Variants in ST6GALNAC3 observed in about 807,000 individuals in gnomAD.
The protein encoded by ST6GALNAC3 is alpha-N-acetylgalactosaminide alpha-2,6-sialyltransferase 3.
A neutral mutation model predicts 32.7 loss-of-function variants in ST6GALNAC3; 25 were observed. The ratio of observed to expected loss-of-function variants is 0.76; its 90% confidence interval spans 0.56 to 1.07. ST6GALNAC3 has a LOEUF of 1.07. Among genes scored for constraint, ST6GALNAC3 ranks in the 50% least tolerant of loss-of-function variants. ST6GALNAC3 has a pLI of 0.00. For synonymous variants in ST6GALNAC3, 129 were observed against 133.1 expected (o/e 0.97, Z 0.21); for missense variants, 355 against 382.4 (o/e 0.93, Z 0.60).
chr1:76,621,431 C>A (rs1361418137), intron 3 of ST6GALNAC3, among the ~76,000 whole-genome samples: 2 of 152,036 alleles, frequency 1.3e-5, no homozygotes, highest in Non-Finnish European at 2.9e-5. Context: ...CAAGACAAGA[C>A]TGAGAATTCC....
rs570240288 is a variant in ST6GALNAC3 at position 76,519,298 on chromosome 1, A to G, written c.623+106881A>G. Among the ~76,000 whole-genome samples the G allele has an allele frequency of 2.0e-5, 3 of 152,262 alleles. No individual in the cohort carries two copies. The East Asian group carries it at 5.8e-4, about 29-fold the overall frequency. On this transcript the variant is annotated intron_variant, in intron 3 of 4. Coordinates refer to ENST00000328299, the MANE Select transcript of ST6GALNAC3 (RefSeq NM_152996.4). ...ACACATTAAAGATAATTTCAATGTA[A>G]AATTCTAGGTTAAAAATTATGTTTT...
At chr1:76,228,181 T>G (rs1408068087) in intron 1 of ST6GALNAC3, among the ~76,000 whole-genome samples, 8 of 152,194 alleles carry the variant, frequency 5.3e-5, no homozygotes, top group Non-Finnish European at 8.8e-5. Flanking sequence ...CACAGAAGTT[T>G]GCCTACCACT....
rs200790832 is a variant in ST6GALNAC3 at position 76,562,589 on chromosome 1, TCCA to T, written c.624-64859_624-64857del. On this transcript the variant is annotated intron_variant, in intron 3 of 4. Transcript: ENST00000328299. ...GAAAACACCCAGAGCCAAACGTCTGTCCACCATCTCCTGAGTTGGCCTGCCTAT... is the reference window on the plus strand; with the variant it reads ...GAAAACACCCAGAGCCAAACGTCTGTCCATCTCCTGAGTTGGCCTGCCTAT... Among the ~76,000 whole-genome samples, 353 of 152,330 alleles carry T rather than the reference TCCA, an allele frequency of 2.3e-3. 3 individuals are homozygous for T. The highest frequency in any genetic ancestry group is 8.1e-3 in the African/African-American group (336 of 41,584).
At chr1:76,555,118 G>A (rs170261) in intron 3 of ST6GALNAC3, among the ~76,000 whole-genome samples, 9,244 of 152,052 alleles carry the variant, frequency 0.061, 965 homozygotes, top group African/African-American at 0.21. Flanking sequence ...TAATATATGA[G>A]GAGAAGGCAG....
At chr1:76,444,338 C>T (rs534258750) in intron 3 of ST6GALNAC3, among the ~76,000 whole-genome samples, 1 of 152,286 alleles carries the variant, frequency 6.6e-6, no homozygotes, top group African/African-American at 2.4e-5. Flanking sequence ...TCCCAGATGG[C>T]TCCTATAACA....
At chr1:76,256,239 C>A (rs1017998528) in intron 1 of ST6GALNAC3, among the ~76,000 whole-genome samples, 3 of 152,104 alleles carry the variant, frequency 2.0e-5, no homozygotes, top group African/African-American at 7.2e-5. Flanking sequence ...AAGTAATGGT[C>A]TTCCTTCTCT....
chr1:76,423,740 G>T (rs1655184336), intron 3 of ST6GALNAC3, among the ~76,000 whole-genome samples: 1 of 151,900 alleles, frequency 6.6e-6, no homozygotes, highest in South Asian at 2.1e-4. Context: ...CTTCTGACGT[G>T]AATAGGTTGT....
chr1:76,353,554 G>A (rs951125478), intron 2 of ST6GALNAC3: 14 of 154,788 alleles, frequency 9.0e-5, no homozygotes, highest in Non-Finnish European at 2.1e-4. Context: ...CCTGAGACAG[G>A]AAACAGTGAA....
chr1:76,176,945 T>G (rs1652893534), intron 1 of ST6GALNAC3, among the ~76,000 whole-genome samples: 3 of 152,288 alleles, frequency 2.0e-5, no homozygotes, highest in South Asian at 4.1e-4. Flanking sequence ...TGCAGTGGCT[T>G]GAGCCTGAAA....
At chr1:76,165,861 GT>G (rs1014529061) in intron 1 of ST6GALNAC3, among the ~76,000 whole-genome samples, 14 of 149,230 alleles carry the variant, frequency 9.4e-5, no homozygotes, top group African/African-American at 2.2e-4. Context: ...TTTCTAATGG[GT>G]TTTTTTTCTT....
chr1:76,459,909 A>G (rs979807928), intron 3 of ST6GALNAC3, among the ~76,000 whole-genome samples: 8 of 152,084 alleles, frequency 5.3e-5, no homozygotes, highest in African/African-American at 1.7e-4. Flanking sequence ...ATGTTTGATG[A>G]TTTCTCTTTT....
intron 1 of ST6GALNAC3, among the ~76,000 whole-genome samples, chr1:76,161,631 A>T (rs1651819663): frequency 6.6e-6 from 1 of 152,218 alleles, no homozygotes; most frequent in Non-Finnish European, 1.5e-5. Flanking sequence ...CTGATGTCTT[A>T]AAGTACTTGC....
At chr1:76,334,575 A>T (rs1647317323) in intron 2 of ST6GALNAC3, among the ~76,000 whole-genome samples, 1 of 152,198 alleles carries the variant, frequency 6.6e-6, no homozygotes, top group Non-Finnish European at 1.5e-5. Flanking sequence ...CAGAAATGAG[A>T]TTCACCAATA....
intron 3 of ST6GALNAC3, among the ~76,000 whole-genome samples, chr1:76,575,863 G>A (rs1646796305): frequency 6.6e-6 from 1 of 151,926 alleles, no homozygotes; most frequent in Non-Finnish European, 1.5e-5. Flanking sequence ...CTGGTTAAAA[G>A]CTGTGTGTCA....
At chr1:76,143,603 G>T (rs926655339) in intron 1 of ST6GALNAC3, among the ~76,000 whole-genome samples, 5 of 152,102 alleles carry the variant, frequency 3.3e-5, no homozygotes, top group African/African-American at 1.2e-4. Context: ...TGTTGTTGTT[G>T]TTTTTCTTGC....
At chr1:76,361,160 A>G (rs1649902646) in intron 2 of ST6GALNAC3, among the ~76,000 whole-genome samples, 1 of 152,178 alleles carries the variant, frequency 6.6e-6, no homozygotes, top group Admixed American at 6.5e-5. Context: ...TTGTTATAAA[A>G]TAGATCTTCA....
chr1:76,617,542 C>G (rs141168993), intron 3 of ST6GALNAC3, among the ~76,000 whole-genome samples: 1,827 of 152,134 alleles, frequency 0.012, 16 homozygotes, highest in Middle Eastern at 0.031. Context: ...TCAGAAAGGG[C>G]ATGATTTTAA....
intron 2 of ST6GALNAC3, among the ~76,000 whole-genome samples, chr1:76,315,949 T>C (rs1257479329): frequency 1.3e-5 from 2 of 152,124 alleles, no homozygotes; most frequent in Non-Finnish European, 2.9e-5. Context: ...CCAGAATTTA[T>C]ATGTACATTT....
chr1:76,217,978 G>T (rs1655564748), intron 1 of ST6GALNAC3, among the ~76,000 whole-genome samples: 1 of 152,026 alleles, frequency 6.6e-6, no homozygotes, highest in Admixed American at 6.5e-5. Context: ...CTATAAACAT[G>T]CGTGTGCAAT....
Sources: gnomAD v4.1 joint callset for allele counts (sites outside exome capture counted in the v4.1 genomes callset) on GRCh38, gnomAD v4.1.1 for gene constraint, MANE v1.5 for transcripts, NCBI Gene and HGNC (gene_info 2026-07-23, HGNC 2026-07-21) for gene names.